TACC2: variants seen among roughly 807,000 people sequenced by gnomAD.
TACC2 encodes transforming acidic coiled-coil containing protein 2.
TACC2 carries 137 observed loss-of-function variants against 227.3 expected under a neutral mutation model. The observed-to-expected ratio is 0.60, with a 90% CI of 0.52 to 0.69. The LOEUF (loss-of-function observed/expected upper bound fraction) is 0.69. TACC2 is among the 30% of genes least tolerant of loss of function. The probability of loss-of-function intolerance (pLI) is 0.00; values close to 1 mark genes in which losing one functional copy is unlikely to be tolerated. For missense variants in TACC2, 3,470 were observed against 3,694.4 expected, an observed-to-expected ratio of 0.94 and a Z score of 1.57; for synonymous variants, 1,523 against 1,487.5, an observed-to-expected ratio of 1.02 and a Z score of -0.55.
chr10:122,253,997 G>C lies in TACC2; in HGVS notation c.8788G>C (p.Glu2930Gln). The C allele has an allele frequency of 6.2e-7, 1 of 1,613,996 alleles. No homozygotes were observed. The highest frequency in any genetic ancestry group is 8.5e-7 in the Non-Finnish European group (1 of 1,179,914). Reference sequence around the variant, plus strand: ...TCCTTGTCTTCACTTGCAGAATAAAGAAATAGAAGAACTCACCAAGATTTG... The same window carrying C: ...TCCTTGTCTTCACTTGCAGAATAAACAAATAGAAGAACTCACCAAGATTTG... ...LERTLEQKNK[E>Q]IEELTKICDE... The change falls in exon 23 of 23, where the codon GAA (glutamate) becomes CAA (glutamine). Residue 2930 changes from glutamate (E) to glutamine (Q), a missense_variant. Physicochemically the swap from Glu to Gln is conservative, Grantham distance 29. Coordinates refer to ENST00000369005, the MANE Select transcript of TACC2 (RefSeq NM_206862.4).
intron 5 of TACC2, among the ~76,000 whole-genome samples, chr10:122,107,590 TCAAA>T (rs1354051463): frequency 2.0e-5 from 3 of 151,144 alleles, no homozygotes; most frequent in Non-Finnish European, 3.0e-5. Context: ...AGATTCTGTC[TCAAA>T]CAAACAAAAT....
At chr10:121,999,846 C>T (rs747416488) in intron 1 of TACC2, among the ~76,000 whole-genome samples, 3 of 152,206 alleles carry the variant, frequency 2.0e-5, no homozygotes, top group Non-Finnish European at 4.4e-5. Flanking sequence ...TCCAGAGCTT[C>T]GGTCAGATGG....
At chr10:122,031,722 C>T (rs993282514) in intron 2 of TACC2, among the ~76,000 whole-genome samples, 2 of 145,340 alleles carry the variant, frequency 1.4e-5, no homozygotes, top group Middle Eastern at 4.0e-3. Context: ...TTTTCTTTTT[C>T]GAGACAGAGT....
intron 3 of TACC2, among the ~76,000 whole-genome samples, chr10:122,068,888 C>T (rs1474662370): frequency 1.4e-5 from 2 of 138,750 alleles, no homozygotes; most frequent in Non-Finnish European, 3.1e-5. Flanking sequence ...TTAGTAGAGA[C>T]GAGGTTTCAC....
rs527655393 is a variant in TACC2 at position 122,194,612 on chromosome 10, T to G, written c.5835-428T>G. ...ACTAGAATAAGTCTATACTCACAAGTTATGAGAGGCGCTGAGAAGGCAGGA... is the reference window on the plus strand; with the variant it reads ...ACTAGAATAAGTCTATACTCACAAGGTATGAGAGGCGCTGAGAAGGCAGGA... On this transcript the variant is annotated intron_variant, in intron 7 of 22. Transcript: ENST00000369005. The surrounding 1 kb of genome is among the most constrained non-coding windows in gnomAD (Gnocchi z 4.4). Among the ~76,000 whole-genome samples, 1 of 152,258 alleles carries G rather than the reference T, an allele frequency of 6.6e-6. No homozygotes were observed. The highest frequency in any genetic ancestry group is 6.5e-5 in the Admixed American group (1 of 15,292).
chr10:122,015,118 A>G (rs1261521088), intron 1 of TACC2, among the ~76,000 whole-genome samples: 4 of 142,132 alleles, frequency 2.8e-5, no homozygotes, highest in Non-Finnish European at 4.7e-5. Flanking sequence ...AAAAAAAAAA[A>G]AAAGGACAAA....
chr10:122,084,848 A>G lies in TACC2; in HGVS notation c.2348A>G (p.Gln783Arg), dbSNP rs145103148. 7.7e-4 allele frequency: 1,242 copies of G among 1,613,858 alleles called. 6 individuals carry two copies. In the African/African-American group the frequency reaches 0.012, roughly 16 times the overall value. The change falls in exon 4 of 23, where the codon CAG becomes CGG. Residue 783 changes from glutamine to arginine, a missense_variant. Gln to Arg is a conservative substitution (Grantham distance 43). Coordinates refer to ENST00000369005, the MANE Select transcript of TACC2 (RefSeq NM_206862.4). The stretch of plus-strand genomic sequence containing the variant: ...CATGCTGGGGTGCCACATCCCCCCC[A>G]GGGGGAGAACTTGGCAGCAGACCTG... ...EFHAGVPHPPQGENLAADLGL... is the reference protein window; with the variant it reads ...EFHAGVPHPPRGENLAADLGL...
intron 22 of TACC2, among the ~76,000 whole-genome samples, chr10:122,250,822 T>C: frequency 6.6e-6 from 1 of 152,046 alleles, no homozygotes; most frequent in Non-Finnish European, 1.5e-5. Flanking sequence ...CCATATCTGA[T>C]ACTCACCCAG....
chr10:122,105,584 G>A (rs2082661192), intron 5 of TACC2, among the ~76,000 whole-genome samples: 1 of 151,432 alleles, frequency 6.6e-6, no homozygotes, highest in African/African-American at 2.4e-5. Context: ...TGCCTCTCCA[G>A]CATGTGCCTG....
In TACC2 at chr10:122,095,389, A is replaced by G. The variant is rs117720446; in HGVS notation, c.5573+6798A>G. On this transcript the variant is annotated intron_variant, in intron 5 of 22. Coordinates refer to ENST00000369005, the MANE Select transcript of TACC2 (RefSeq NM_206862.4). ...AATGGAGCAAATAGTACTCCCTTAC[A>G]GCGCTGTTAAAATTAAATGAGCCAC... Among the ~76,000 whole-genome samples the G allele has an allele frequency of 2.4e-3, 358 of 152,294 alleles. 3 individuals carry two copies. The highest frequency in any genetic ancestry group is 3.7e-3 in the Non-Finnish European group (249 of 68,032).
chr10:122,139,628 T>C (rs192409395), intron 6 of TACC2, among the ~76,000 whole-genome samples: 277 of 152,354 alleles, frequency 1.8e-3, no homozygotes, highest in African/African-American at 6.4e-3. Context: ...TTCTGCACTT[T>C]GCATCTCACC....
At chr10:122,054,379 A>G (rs2076015853) in intron 3 of TACC2, among the ~76,000 whole-genome samples, 1 of 152,212 alleles carries the variant, frequency 6.6e-6, no homozygotes, top group Non-Finnish European at 1.5e-5. Flanking sequence ...CTTTCTGCTC[A>G]GCAGTGTCCA....
chr10:122,226,950 C>T (rs1377974864), intron 13 of TACC2, among the ~76,000 whole-genome samples: 1 of 152,162 alleles, frequency 6.6e-6, no homozygotes, highest in East Asian at 1.9e-4. Flanking sequence ...CCACCTGTAC[C>T]CCCTCCTGGT....
intron 2 of TACC2, 71 bp downstream of exon 2, chr10:122,022,085 A>T (rs140522246): frequency 6.6e-7 from 1 of 1,511,346 alleles, no homozygotes; most frequent in African/African-American, 1.4e-5. Flanking sequence ...TTCTTTTTAC[A>T]GCGTCTCATC....
At chr10:122,033,453 G>A (rs1387575330) in intron 2 of TACC2, among the ~76,000 whole-genome samples, 1 of 152,152 alleles carries the variant, frequency 6.6e-6, no homozygotes, top group African/African-American at 2.4e-5. Context: ...TAGATGCTGG[G>A]AGCCAATACT....
At chr10:122,005,150 G>A (rs558323216) in intron 1 of TACC2, among the ~76,000 whole-genome samples, 248 of 149,854 alleles carry the variant, frequency 1.7e-3, no homozygotes, top group Middle Eastern at 3.5e-3. Context: ...GGTGCAATCC[G>A]GGCTCACTGC....
rs1018383262 is a variant in TACC2, at chr10:122,138,380, G to A, written c.5700-5192G>A. Among the ~76,000 whole-genome samples the A allele has an allele frequency of 3.9e-5, 6 of 152,244 alleles. 1 individual carries two copies. Among genetic ancestry groups the A allele is most frequent in the Admixed American group, 3.9e-4 (6 of 15,282 alleles). ...AAAAAATTAGCTGGGCGTGGTGGCA[G>A]GCATCTGTAATCCCAGCTACTTGGG... On this transcript the variant is annotated intron_variant, in intron 6 of 22. Coordinates refer to ENST00000369005, the MANE Select transcript of TACC2 (RefSeq NM_206862.4).
chr10:122,204,076 C>T (rs1011617160), intron 8 of TACC2, among the ~76,000 whole-genome samples: 1 of 150,346 alleles, frequency 6.7e-6, no homozygotes, highest in African/African-American at 2.5e-5. Flanking sequence ...GAGAATCAGG[C>T]AGGGAGGTTG....
At chr10:122,064,679 C>T (rs2077198359) in intron 3 of TACC2, among the ~76,000 whole-genome samples, 1 of 152,192 alleles carries the variant, frequency 6.6e-6, no homozygotes, top group South Asian at 2.1e-4. Flanking sequence ...TGCATAAGGT[C>T]ATGTATCCGT....
Sources: allele counts gnomAD v4.1 joint callset (sites outside exome capture counted in the v4.1 genomes callset), GRCh38; gene constraint gnomAD v4.1.1; non-coding constraint Gnocchi (gnomAD v3.1); transcripts MANE v1.5; gene names NCBI Gene and HGNC (gene_info 2026-07-23, HGNC 2026-07-21).